The following SLC38A4 variants were observed in gnomAD, a reference collection of about 807,000 sequenced individuals.
SLC38A4 encodes solute carrier family 38 member 4.
SLC38A4 carries 20 observed loss-of-function variants against 63.1 expected under a neutral mutation model. That is an observed-to-expected ratio of 0.32 (90% CI 0.22 to 0.46). SLC38A4 has a LOEUF of 0.46. Among genes scored for constraint, SLC38A4 ranks in the 20% least tolerant of loss-of-function variants. The pLI is 1.00. For missense variants in SLC38A4, 526 were observed against 663.6 expected, an observed-to-expected ratio of 0.79 and a Z score of 2.28; for synonymous variants, 230 against 225.5, an observed-to-expected ratio of 1.02 and a Z score of -0.18.
chr12:46,769,518 CT>C, intron 14 of SLC38A4, 90 bp from the exon 15 acceptor site: 1 of 1,382,564 alleles, frequency 7.2e-7, no homozygotes, highest in Non-Finnish European at 9.8e-7. Context: ...AATGCATTTT[CT>C]TTCCTTTTCT....
At chr12:46,805,618 ATT>A (rs1481693670) in intron 1 of SLC38A4, among the ~76,000 whole-genome samples, 1 of 152,040 alleles carries the variant, frequency 6.6e-6, no homozygotes, top group Non-Finnish European at 1.5e-5. Context: ...TCTCATGCGC[ATT>A]TGCTAATAGA....
chr12:46,797,465 G>A (rs931586295), intron 2 of SLC38A4, among the ~76,000 whole-genome samples: 2 of 152,022 alleles, frequency 1.3e-5, no homozygotes, highest in Admixed American at 6.6e-5. Context: ...CCCAGACCTC[G>A]TAATTCTGAT....
At chr12:46,807,332 G>A (rs1414001549) in intron 1 of SLC38A4, among the ~76,000 whole-genome samples, 2 of 151,492 alleles carry the variant, frequency 1.3e-5, no homozygotes, top group Admixed American at 1.3e-4. Context: ...TATTTATGAT[G>A]CCTTATTCTC....
At chr12:46,829,122 CT>C (rs1939696941), upstream of SLC38A4, among the ~76,000 whole-genome samples, 1 of 152,130 alleles carries the variant, frequency 6.6e-6, no homozygotes, top group Non-Finnish European at 1.5e-5. Context: ...CTTCAATTTC[CT>C]GTCTGTAAAA....
At chr12:46,829,953 G>A (rs1350318981), upstream of SLC38A4, among the ~76,000 whole-genome samples, 1 of 152,156 alleles carries the variant, frequency 6.6e-6, no homozygotes, top group East Asian at 1.9e-4. Context: ...AAGGTCAAAT[G>A]TTAACATAAA....
chr12:46,784,792 T>C (rs1938723997), intron 6 of SLC38A4, among the ~76,000 whole-genome samples, 158 bp from the exon 7 acceptor site: 2 of 152,124 alleles, frequency 1.3e-5, no homozygotes, highest in African/African-American at 4.8e-5. Flanking sequence ...ATAAGCAATA[T>C]ATCAAAATGT....
Position 46,769,366 on chromosome 12 carries a change from G to A in SLC38A4, c.1362C>T (p.Phe454=). 7 of 1,613,444 alleles carry A rather than the reference G, an allele frequency of 4.3e-6. No homozygotes were observed. Among genetic ancestry groups the A allele is most frequent in the Admixed American group, 3.3e-5 (2 of 59,934 alleles). ...PKRPFSWIRH[F]LIAAVLIALN... Reference sequence around the variant, plus strand: ...GTGCAATAAGCACAGCTGCAATCAGGAAATGTCGTATCCAGCTGAAGGGTC... The same window carrying A: ...GTGCAATAAGCACAGCTGCAATCAGAAAATGTCGTATCCAGCTGAAGGGTC... The change falls in exon 15 of 17, where the codon TTC becomes TTT. Residue 454 remains phenylalanine (F), a synonymous_variant. Transcript: ENST00000266579.
intron 14 of SLC38A4, among the ~76,000 whole-genome samples, chr12:46,773,111 T>A (rs180410): frequency 0.65 from 99,509 of 152,012 alleles, 34,630 homozygotes; most frequent in Middle Eastern, 0.81. Context: ...CTCTGTCACC[T>A]TCTCTGTGTA....
At chr12:46,821,177 G>T (rs527950956) in intron 1 of SLC38A4, among the ~76,000 whole-genome samples, 8 of 152,024 alleles carry the variant, frequency 5.3e-5, no homozygotes, top group African/African-American at 1.9e-4. Flanking sequence ...GTAGTACTGC[G>T]TGTCTATTTT....
chr12:46,806,668 T>C (rs768410462), intron 1 of SLC38A4, among the ~76,000 whole-genome samples: 1 of 152,010 alleles, frequency 6.6e-6, no homozygotes, highest in African/African-American at 2.4e-5. Context: ...AAACAAGAAC[T>C]AGCAATAAAA....
chr12:46,783,858 T>A (rs1212811937), intron 7 of SLC38A4, among the ~76,000 whole-genome samples: 5 of 151,680 alleles, frequency 3.3e-5, no homozygotes, highest in Non-Finnish European at 5.9e-5. Flanking sequence ...GAAATATGGG[T>A]TTGGATGCCT....
chr12:46,793,127 A>G lies in SLC38A4; in HGVS notation c.-56T>C. The G allele has an allele frequency of 8.0e-7, 1 of 1,245,106 alleles. No individual in the cohort carries two copies. The highest frequency in any genetic ancestry group is 1.9e-4 in the Middle Eastern group (1 of 5,378). The allele number at this position is 1,245,106 out of a possible 1,614,324, so 77.1% of individuals were successfully genotyped here. On this transcript the variant is annotated 5_prime_UTR_variant, in exon 3 of 17. Transcript: ENST00000266579. ...CAAGCCCCTTCAGTGTAAATAATAT[A>G]CTGTACCTTCAGCTTAAGGTTCTTC...
At chr12:46,778,820 G>GA (rs758070635) in intron 10 of SLC38A4, 44 bp from the exon 11 acceptor site, 17 of 1,568,014 alleles carry the variant, frequency 1.1e-5, no homozygotes, top group East Asian at 4.5e-5. Flanking sequence ...AGCTTTTTGA[G>GA]AAAAAACAAT....
At chr12:46,816,692 T>C (rs1939448171) in intron 1 of SLC38A4, among the ~76,000 whole-genome samples, 2 of 151,918 alleles carry the variant, frequency 1.3e-5, no homozygotes, top group Admixed American at 1.3e-4. Flanking sequence ...CACTCATTTA[T>C]TTTTGCTCAG....
chr12:46,812,525 T>C (rs1042315931), intron 1 of SLC38A4, among the ~76,000 whole-genome samples: 1 of 152,052 alleles, frequency 6.6e-6, no homozygotes, highest in African/African-American at 2.4e-5. Flanking sequence ...AATTACTAGC[T>C]GTGCTATCAA....
chr12:46,780,933 C>G (rs1209450116), intron 7 of SLC38A4, among the ~76,000 whole-genome samples: 2 of 152,000 alleles, frequency 1.3e-5, no homozygotes, highest in Non-Finnish European at 1.5e-5. Context: ...TACATGAAAA[C>G]TTTAAGTGTG....
chr12:46,773,977 C>A (rs924133970), intron 14 of SLC38A4, among the ~76,000 whole-genome samples: 1 of 152,008 alleles, frequency 6.6e-6, no homozygotes, highest in Admixed American at 6.6e-5. Context: ...TTTACCCTAT[C>A]GTATACCTTC....
intron 10 of SLC38A4, among the ~76,000 whole-genome samples, chr12:46,779,036 T>G (rs754851801): frequency 6.6e-6 from 1 of 151,948 alleles, no homozygotes; most frequent in African/African-American, 2.4e-5. Flanking sequence ...TGCCCTTCCA[T>G]GAGAAAGATG....
Position 46,779,821 on chromosome 12 carries a change from G to C in SLC38A4, c.617C>G (p.Ser206Cys). The C allele has an allele frequency of 6.2e-7, 1 of 1,612,056 alleles. No individual in the cohort carries two copies. Among genetic ancestry groups the C allele is most frequent in the Non-Finnish European group, 8.5e-7 (1 of 1,178,970 alleles). ...LNGNYLIIFV[S>C]VGIILPLSLL... The stretch of plus-strand genomic sequence containing the variant: ...CGAAAGTGGAAGAATAATTCCAACA[G>C]ACACAAATATGATGAGGTAGTTGCC... Residue 206 changes from serine to cysteine, a missense_variant, in exon 9 of 17, where the codon TCT becomes TGT. Ser to Cys is a moderately radical substitution (Grantham distance 112). Coordinates refer to ENST00000266579, the MANE Select transcript of SLC38A4 (RefSeq NM_018018.5).
Sources: allele counts gnomAD v4.1 joint callset (sites outside exome capture counted in the v4.1 genomes callset), GRCh38; gene constraint gnomAD v4.1.1; transcripts MANE v1.5; gene names NCBI Gene and HGNC (gene_info 2026-07-23, HGNC 2026-07-21).